The following GSAP variants were observed in gnomAD, a reference collection of about 807,000 sequenced individuals.
GSAP encodes the protein gamma-secretase activating protein, also known as gamma-secretase-activating protein.
GSAP carries 118 observed loss-of-function variants against 131.7 expected under a neutral mutation model. The ratio of observed to expected loss-of-function variants is 0.90; its 90% confidence interval spans 0.77 to 1.04. The LOEUF (loss-of-function observed/expected upper bound fraction) is 1.04. GSAP is among the 50% of genes least tolerant of loss of function. The probability of loss-of-function intolerance (pLI) is 0.00; values close to 1 mark genes in which losing one functional copy is unlikely to be tolerated. For missense variants in GSAP, 1,019 were observed against 1,013.2 expected (o/e 1.01, Z -0.08); for synonymous variants, 381 against 363.4 (o/e 1.05, Z -0.55).
At chr7:77,356,860 G>A (rs1732228683) in intron 14 of GSAP, among the ~76,000 whole-genome samples, 1 of 152,236 alleles carries the variant, frequency 6.6e-6, no homozygotes, top group African/African-American at 2.4e-5. Context: ...AAGGCGTTCT[G>A]TGGAAAGGGA....
intron 1 of GSAP, among the ~76,000 whole-genome samples, chr7:77,406,958 TAA>T (rs1012007565): frequency 1.2e-4 from 19 of 152,166 alleles, no homozygotes; most frequent in Non-Finnish European, 2.4e-4. Context: ...AGGCCTCTGA[TAA>T]AGAGGCCTCT....
intron 19 of GSAP, among the ~76,000 whole-genome samples, chr7:77,344,745 T>G (rs1025445641): frequency 6.6e-6 from 1 of 152,134 alleles, no homozygotes; most frequent in Non-Finnish European, 1.5e-5. Flanking sequence ...AGTCCTATTC[T>G]TTACTTTTAT....
At position 77,344,156 on chromosome 7, in the gene GSAP, C is replaced by T. The variant is rs537655327; in HGVS notation, c.1545+5195G>A. On this transcript the variant is annotated intron_variant, in intron 19 of 30. Coordinates refer to ENST00000257626, the MANE Select transcript of GSAP (RefSeq NM_017439.4). ...TTCCCTTCTGTCAGATATAATTCCT[C>T]GGTTTGGCCTTCCCACCTCTATACA... Among the ~76,000 whole-genome samples the T allele has an allele frequency of 3.3e-5, 5 of 152,278 alleles. No individual in the cohort carries two copies. The East Asian group carries it at 7.7e-4, about 24-fold the overall frequency.
chr7:77,364,690 T>C (rs566879768), intron 12 of GSAP, among the ~76,000 whole-genome samples: 18 of 152,178 alleles, frequency 1.2e-4, no homozygotes, highest in African/African-American at 3.1e-4. Flanking sequence ...TAAAATGAGA[T>C]GTAGAATAAA....
intron 7 of GSAP, among the ~76,000 whole-genome samples, chr7:77,382,349 G>T (rs1023311824): frequency 6.6e-6 from 1 of 152,152 alleles, no homozygotes; most frequent in Non-Finnish European, 1.5e-5. Context: ...GTATGCAAGA[G>T]CCCATCATTC....
chr7:77,319,874 C>T (rs11764672), intron 26 of GSAP, among the ~76,000 whole-genome samples: 51,607 of 151,920 alleles, frequency 0.34, 9,350 homozygotes, highest in South Asian at 0.39. Context: ...TGCCAGGAAC[C>T]GGGGAGTAGG....
chr7:77,322,931 A>G (rs1458417166), intron 24 of GSAP, among the ~76,000 whole-genome samples: 1 of 152,236 alleles, frequency 6.6e-6, no homozygotes, highest in African/African-American at 2.4e-5. Flanking sequence ...ATATATGTTC[A>G]CACACTGGCT....
At chr7:77,336,273 T>TC (rs1789959558) in intron 19 of GSAP, among the ~76,000 whole-genome samples, 3 of 152,174 alleles carry the variant, frequency 2.0e-5, no homozygotes, top group Non-Finnish European at 2.9e-5. Flanking sequence ...CTAAGCTCTT[T>TC]CCCTCCTCTC....
intron 19 of GSAP, among the ~76,000 whole-genome samples, chr7:77,342,174 C>T (rs917302782): frequency 7.9e-5 from 12 of 152,194 alleles, no homozygotes; most frequent in Non-Finnish European, 1.3e-4. Flanking sequence ...TGAAGACTGA[C>T]GCTGCACCAT....
intron 5 of GSAP, among the ~76,000 whole-genome samples, chr7:77,390,979 A>G (rs1394825227): frequency 1.4e-5 from 2 of 139,938 alleles, no homozygotes; most frequent in African/African-American, 5.3e-5. Context: ...AAAAAAAAAA[A>G]AAAATTAGCC....
chr7:77,414,631 G>T (rs1028442683), intron 1 of GSAP, among the ~76,000 whole-genome samples: 1 of 152,180 alleles, frequency 6.6e-6, no homozygotes, highest in African/African-American at 2.4e-5. Flanking sequence ...CCAGGTCCCA[G>T]TGGGTCACAC....
chr7:77,387,435 C>A lies in GSAP; in HGVS notation c.381G>T (p.Leu127Phe). 1 of 1,581,810 alleles carries A rather than the reference C, an allele frequency of 6.3e-7. No homozygotes were observed. The highest frequency in any genetic ancestry group is 1.1e-5 in the South Asian group (1 of 90,312). ...RNELQPGSKC[L>F]TLLVEIHPVN... ...CAGGGTGGATTTCAACCAACAAAGT[C>A]AAGCACTTTGATCCTACAGAGAAAA... The change falls in exon 6 of 31, where the codon TTG becomes TTT. Residue 127 changes from leucine to phenylalanine, a missense_variant. Coordinates refer to ENST00000257626, the MANE Select transcript of GSAP (RefSeq NM_017439.4).
intron 8 of GSAP, among the ~76,000 whole-genome samples, chr7:77,380,893 C>T (rs78351372): frequency 0.054 from 8,245 of 152,074 alleles, 310 homozygotes; most frequent in Non-Finnish European, 0.075. Flanking sequence ...ATTTTAGTAA[C>T]CCATAGGGAT....
intron 5 of GSAP, among the ~76,000 whole-genome samples, chr7:77,394,222 A>G (rs1800014001): frequency 6.6e-6 from 1 of 152,114 alleles, no homozygotes; most frequent in Non-Finnish European, 1.5e-5. Flanking sequence ...GGCCTCCTTG[A>G]GTCTACGTGA....
At chr7:77,343,602 C>T (rs572580103) in intron 19 of GSAP, among the ~76,000 whole-genome samples, 1 of 152,320 alleles carries the variant, frequency 6.6e-6, no homozygotes, top group Admixed American at 6.5e-5. Flanking sequence ...AACGCTTATG[C>T]TGATAAGGTA....
chr7:77,348,360 A>T (rs1180510577), intron 19 of GSAP, among the ~76,000 whole-genome samples: 3 of 152,150 alleles, frequency 2.0e-5, no homozygotes, highest in Non-Finnish European at 4.4e-5. Flanking sequence ...TTTGCCTGGA[A>T]ACACAGATCA....
intron 19 of GSAP, among the ~76,000 whole-genome samples, chr7:77,343,346 C>G (rs544157511): frequency 7.9e-5 from 12 of 152,348 alleles, no homozygotes; most frequent in African/African-American, 2.9e-4. Context: ...TGCCTTAACT[C>G]AAGCCCTCAA....
At chr7:77,337,191 C>T (rs1156978948) in intron 19 of GSAP, among the ~76,000 whole-genome samples, 2 of 151,634 alleles carry the variant, frequency 1.3e-5, no homozygotes, top group Admixed American at 6.6e-5. Context: ...CTTGCTCTGT[C>T]GCCCAAGCTG....
intron 12 of GSAP, among the ~76,000 whole-genome samples, chr7:77,369,602 GAAGT>G (rs1194351447): frequency 6.6e-6 from 1 of 152,186 alleles, no homozygotes; most frequent in Non-Finnish European, 1.5e-5. Flanking sequence ...GTAAATAGTT[GAAGT>G]AAGTTTGTAT....
Sources: allele counts gnomAD v4.1 joint callset (sites outside exome capture counted in the v4.1 genomes callset), GRCh38; gene constraint gnomAD v4.1.1; transcripts MANE v1.5; gene names NCBI Gene and HGNC (gene_info 2026-07-23, HGNC 2026-07-21).